Variants in ATXN2 observed in about 807,000 individuals in gnomAD.
ATXN2 encodes the protein ataxin-2.
A neutral mutation model predicts 138.6 loss-of-function variants in ATXN2; 37 were observed. That is an observed-to-expected ratio of 0.27 (90% CI 0.21 to 0.35). ATXN2 has a LOEUF of 0.35. Among genes scored for constraint, ATXN2 ranks in the 10% least tolerant of loss-of-function variants. ATXN2 has a pLI of 1.00. For missense variants in ATXN2, 1,216 were observed against 1,480.3 expected (o/e 0.82, Z 2.93); for synonymous variants, 549 against 543.7 (o/e 1.01, Z -0.13).
rs1874808139 is a variant in ATXN2 at position 111,453,279 on chromosome 12, C to A, written c.3439+398G>T. 1.9e-6 allele frequency: 2 copies of A among 1,060,034 alleles called. No homozygotes were observed. Among genetic ancestry groups the A allele is most frequent in the Non-Finnish European group, 2.3e-6 (2 of 879,058 alleles). 65.7% of individuals were successfully genotyped at this position (1,060,034 alleles called of 1,614,324 possible). On this transcript the variant is annotated intron_variant, in intron 24 of 24. Transcript: ENST00000673436. The surrounding 1 kb of genome is among the most constrained non-coding windows in gnomAD (Gnocchi z 5.4). Reference sequence around the variant, plus strand: ...CAGTCCATCCACAGCGCTTTCTCAGCAGTATCTTCTCCAGAGCTACAATCA... The same window carrying A: ...CAGTCCATCCACAGCGCTTTCTCAGAAGTATCTTCTCCAGAGCTACAATCA...
At chr12:111,470,970 C>T in intron 18 of ATXN2, 2 of 526,084 alleles carry the variant, frequency 3.8e-6, no homozygotes, top group East Asian at 3.2e-5. Context: ...CTGCTTCATC[C>T]TTCAGGTGTC....
chr12:111,565,391 T>A (rs1371014100), intron 1 of ATXN2, among the ~76,000 whole-genome samples: 2 of 152,188 alleles, frequency 1.3e-5, no homozygotes, highest in Non-Finnish European at 2.9e-5. Flanking sequence ...TTCAAACTTT[T>A]CCACTATTAT....
chr12:111,555,531 C>T (rs1181973105), intron 2 of ATXN2, among the ~76,000 whole-genome samples: 4 of 152,070 alleles, frequency 2.6e-5, no homozygotes, highest in African/African-American at 7.2e-5. Flanking sequence ...TCTCTCCTGT[C>T]GCTATGTGAA....
At chr12:111,572,910 A>G (rs1157261814) in intron 1 of ATXN2, among the ~76,000 whole-genome samples, 2 of 152,200 alleles carry the variant, frequency 1.3e-5, no homozygotes, top group African/African-American at 4.8e-5. Context: ...TCACAAACAC[A>G]TTCACAGCCC....
chr12:111,579,889 AG>A (rs1883897127), intron 1 of ATXN2, among the ~76,000 whole-genome samples: 1 of 151,256 alleles, frequency 6.6e-6, no homozygotes. Flanking sequence ...TAGTAGACAC[AG>A]GGTCTCACCA....
intron 14 of ATXN2, among the ~76,000 whole-genome samples, chr12:111,498,776 G>T (rs926581456): frequency 2.0e-5 from 3 of 152,076 alleles, no homozygotes; most frequent in Non-Finnish European, 4.4e-5. Flanking sequence ...TGAGCAAAAT[G>T]AACAAAACGG....
intron 23 of ATXN2, chr12:111,454,097 G>C (rs533439627): frequency 2.6e-6 from 1 of 382,004 alleles, no homozygotes; most frequent in Non-Finnish European, 4.7e-6. Context: ...GGGCTGTGCT[G>C]TCCTAACCCT....
chr12:111,470,409 T>C (rs777435285), intron 19 of ATXN2, 149 bp downstream of exon 19: 1 of 1,145,930 alleles, frequency 8.7e-7, no homozygotes, highest in African/African-American at 1.6e-5. Context: ...TCAGTAACCT[T>C]CGAATATATA....
intron 5 of ATXN2, among the ~76,000 whole-genome samples, chr12:111,548,614 A>G (rs1232896555): frequency 2.0e-5 from 3 of 152,244 alleles, no homozygotes; most frequent in Non-Finnish European, 2.9e-5. Flanking sequence ...ATCCACTTCT[A>G]TTATAAAAAA....
intron 18 of ATXN2, among the ~76,000 whole-genome samples, chr12:111,477,550 T>C (rs1876910182): frequency 6.6e-6 from 1 of 151,946 alleles, no homozygotes; most frequent in African/African-American, 2.4e-5. Flanking sequence ...CTTATTATGA[T>C]ACAAAAAAGC....
intron 1 of ATXN2, among the ~76,000 whole-genome samples, chr12:111,586,821 A>T (rs1884368972): frequency 6.6e-6 from 1 of 152,068 alleles, no homozygotes; most frequent in African/African-American, 2.4e-5. Flanking sequence ...GCACCCAGCT[A>T]AGTCTTTCAA....
chr12:111,452,593 T>C lies in ATXN2; in HGVS notation c.*219A>G, dbSNP rs1184169670. The C allele has an allele frequency of 3.5e-6, 2 of 577,864 alleles. No homozygotes were observed. The highest frequency in any genetic ancestry group is 3.1e-6 in the Non-Finnish European group (1 of 327,298). The allele number at this position is 577,864 out of a possible 1,614,324, so 35.8% of individuals were successfully genotyped here. A position where few individuals can be genotyped will look rare whatever the true frequency, so the allele number is the denominator to read the frequency against. On this transcript the variant is annotated 3_prime_UTR_variant, in exon 25 of 25. Transcript: ENST00000673436. ...ACCTGCGGGACTCTGAAACAGCATA[T>C]GGAATTATGGAATAGCCCCCAAGTT... is the stretch of plus-strand genomic sequence containing the variant.
chr12:111,539,066 C>T (rs2135766837), intron 5 of ATXN2, among the ~76,000 whole-genome samples: 1 of 150,368 alleles, frequency 6.7e-6, no homozygotes, highest in Non-Finnish European at 1.5e-5. Context: ...TACAAAGATA[C>T]TGTTTATGGG....
At chr12:111,455,022 C>T in intron 23 of ATXN2, 1 of 702,932 alleles carries the variant, frequency 1.4e-6, no homozygotes, top group African/African-American at 1.7e-5. Context: ...CCAAACTTCC[C>T]AGAGCTGTGG....
chr12:111,593,611 A>T (rs1592939877), intron 1 of ATXN2, among the ~76,000 whole-genome samples: 2 of 117,982 alleles, frequency 1.7e-5, no homozygotes, highest in African/African-American at 1.2e-4. Context: ...TTTTTCTCTT[A>T]AAAAAAAAAA....
chr12:111,472,008 TA>T (rs1876449114), intron 18 of ATXN2: 1 of 152,160 alleles, frequency 6.6e-6, no homozygotes, highest in Non-Finnish European at 1.5e-5. Flanking sequence ...CTCACGCTTA[TA>T]ATCCCTACAC....
intron 1 of ATXN2, chr12:111,581,490 C>T: frequency 2.0e-6 from 2 of 996,736 alleles, no homozygotes; most frequent in Non-Finnish European, 3.2e-6. Context: ...CCCCACAACC[C>T]TGCTCCCCCA....
chr12:111,576,004 C>A (rs1322761452), intron 1 of ATXN2, among the ~76,000 whole-genome samples: 1 of 151,976 alleles, frequency 6.6e-6, no homozygotes, highest in Non-Finnish European at 1.5e-5. Flanking sequence ...ATCACTTGAA[C>A]CTGGGAGGCG....
chr12:111,502,276 T>C (rs1878824010), intron 14 of ATXN2, among the ~76,000 whole-genome samples: 1 of 152,216 alleles, frequency 6.6e-6, no homozygotes, highest in South Asian at 2.1e-4. Context: ...ATTGCCATCT[T>C]ACAAATAGCA....
Sources: allele counts gnomAD v4.1 joint callset (sites outside exome capture counted in the v4.1 genomes callset), GRCh38; gene constraint gnomAD v4.1.1; non-coding constraint Gnocchi (gnomAD v3.1); transcripts MANE v1.5; gene names NCBI Gene and HGNC (gene_info 2026-07-23, HGNC 2026-07-21).